Variants in VAV1 observed in about 807,000 individuals in gnomAD.
The protein encoded by VAV1 is proto-oncogene vav.
VAV1 carries 33 observed loss-of-function variants against 128.1 expected under a neutral mutation model. The observed-to-expected ratio is 0.26, with a 90% CI of 0.20 to 0.34. VAV1 has a LOEUF of 0.34. Ranked by LOEUF, VAV1 falls within the 10% of genes least tolerant of loss-of-function variation. The pLI, the probability that VAV1 is intolerant of heterozygous loss-of-function variation, is 1.00. For missense variants in VAV1, 715 were observed against 1,093.7 expected (o/e 0.65, Z 4.88); for synonymous variants, 394 against 409.8 (o/e 0.96, Z 0.47).
Position 6,848,030 on chromosome 19 carries a change from A to G in VAV1, c.2045A>G (p.Glu682Gly), listed in dbSNP as rs1329754782. 1 of 1,535,612 alleles carries G rather than the reference A, an allele frequency of 6.5e-7. No homozygotes were observed. Among genetic ancestry groups the G allele is most frequent in the African/African-American group, 1.4e-5 (1 of 69,176 alleles). ...GGCCCCATGGAGCGGGCAGGGGCAG[A>G]GAGCATCCTGGCCAACCGCTCGGAC... ...YAGPMERAGA[E>G]SILANRSDGT... The change falls in exon 23 of 27, where the codon GAG becomes GGG. Residue 682 changes from glutamate (E) to glycine (G), a missense_variant. This residue lies in a region of VAV1 where 407 missense variants were observed against 580.6 expected (regional missense o/e 0.70). Coordinates refer to ENST00000602142, the MANE Select transcript of VAV1 (RefSeq NM_005428.4).
At chr19:6,773,122 G>T in intron 1 of VAV1, 111 bp downstream of exon 1, 1 of 1,412,006 alleles carries the variant, frequency 7.1e-7, no homozygotes, top group South Asian at 1.2e-5. Context: ...AAAGGAGAGG[G>T]AATATGCTTA....
intron 22 of VAV1, 147 bp from the exon 23 acceptor site, chr19:6,847,851 T>C: frequency 4.9e-6 from 3 of 610,402 alleles, no homozygotes; most frequent in Non-Finnish European, 7.6e-6. Context: ...CCACGGGGCC[T>C]ACCTTGGTGC....
intron 21 of VAV1, among the ~76,000 whole-genome samples, chr19:6,840,102 A>G (rs906728754): frequency 6.6e-6 from 1 of 152,214 alleles, no homozygotes; most frequent in East Asian, 1.9e-4. Flanking sequence ...AGCACTCTGA[A>G]CCCATTAAAC....
At chr19:6,833,091 G>T in intron 15 of VAV1, 93 bp from the exon 16 acceptor site, 1 of 1,103,276 alleles carries the variant, frequency 9.1e-7, no homozygotes, top group South Asian at 1.7e-5. Context: ...CACGCAAAAC[G>T]TGGTCTGTTC....
chr19:6,810,549 C>CA (rs1252867020), intron 1 of VAV1, among the ~76,000 whole-genome samples: 2 of 151,190 alleles, frequency 1.3e-5, no homozygotes, highest in Non-Finnish European at 3.0e-5. Flanking sequence ...ACTAAAAATA[C>CA]AAAAAATTAG....
Position 6,814,717 on chromosome 19 carries a change from TTTC to T in VAV1, c.205-5982_205-5980del, listed in dbSNP as rs1568299426. Among the ~76,000 whole-genome samples the T allele has an allele frequency of 1.0e-4, 14 of 139,858 alleles. No homozygotes were observed. The South Asian group carries it at 3.0e-3, about 30-fold the overall frequency. 91.8% of individuals were successfully genotyped at this position (139,858 alleles called of 152,430 possible). On this transcript the variant is annotated intron_variant, in intron 1 of 26. Coordinates refer to ENST00000602142, the MANE Select transcript of VAV1 (RefSeq NM_005428.4). ...CTTTCTTTCTTTCTTTCTTTCTTTC[TTTC>T]TTTCTTTCTTTCCTTTTTCCCTCTG...
chr19:6,801,285 C>T (rs1401823770), intron 1 of VAV1, among the ~76,000 whole-genome samples: 1 of 152,120 alleles, frequency 6.6e-6, no homozygotes, highest in Non-Finnish European at 1.5e-5. Flanking sequence ...TTTTCATTCC[C>T]GACGTACAGA....
intron 1 of VAV1, among the ~76,000 whole-genome samples, chr19:6,805,482 C>G (rs12983548): frequency 6.6e-6 from 1 of 151,730 alleles, no homozygotes; most frequent in African/African-American, 2.4e-5. Flanking sequence ...TGGCTCACAT[C>G]TGTAATCCCA....
chr19:6,850,589 G>T (rs1028150427), intron 23 of VAV1, 81 bp from the exon 24 acceptor site: 2 of 1,396,670 alleles, frequency 1.4e-6, no homozygotes, highest in Non-Finnish European at 2.0e-6. Flanking sequence ...AAGGGGTCAA[G>T]GTTGCTTCCT....
intron 1 of VAV1, among the ~76,000 whole-genome samples, chr19:6,773,389 G>T (rs933786130): frequency 6.6e-6 from 1 of 152,180 alleles, no homozygotes; most frequent in Non-Finnish European, 1.5e-5. Context: ...CTGAGGCTTT[G>T]GACTCCTTTG....
intron 1 of VAV1, chr19:6,784,112 G>A (rs1282198467): frequency 1.4e-5 from 6 of 429,628 alleles, no homozygotes; most frequent in South Asian, 6.9e-5. Flanking sequence ...AAATAAGCCC[G>A]GCATGGTGGT....
intron 26 of VAV1, 34 bp downstream of exon 26, chr19:6,854,132 A>T: frequency 6.2e-7 from 1 of 1,606,610 alleles, no homozygotes; most frequent in Non-Finnish European, 8.5e-7. Flanking sequence ...CGGGGAGGGC[A>T]TGGGGGTTGA....
intron 1 of VAV1, among the ~76,000 whole-genome samples, chr19:6,816,962 T>G (rs1333565399): frequency 6.6e-6 from 1 of 151,432 alleles, no homozygotes; most frequent in Non-Finnish European, 1.5e-5. Flanking sequence ...AGACTCCATC[T>G]CAAAAGGGTA....
At chr19:6,844,026 C>G (rs1972446963) in intron 22 of VAV1, among the ~76,000 whole-genome samples, 5 of 107,374 alleles carry the variant, frequency 4.7e-5, no homozygotes, top group Non-Finnish European at 6.0e-5. Context: ...GATTCTTACT[C>G]TCTGCCCCCA....
Position 6,772,782 on chromosome 19 carries a change from C to T in VAV1, c.-26C>T, listed in dbSNP as rs751599909. On this transcript the variant is annotated 5_prime_UTR_variant, in exon 1 of 27. In the 5' UTR this introduces an upstream ATG that the reference lacks. Coordinates refer to ENST00000602142, the MANE Select transcript of VAV1 (RefSeq NM_005428.4). This position sits in a 1 kb window ranked among gnomAD's most constrained non-coding sequence, Gnocchi z 4.8. ...GGGTGGTGGAGGCTGCGAGGGTGCA[C>T]GGCCGGCCCTGGGCAGGCGGTAGCC... is the stretch of plus-strand genomic sequence containing the variant. 6.2e-6 allele frequency: 10 copies of T among 1,605,734 alleles called. No homozygotes were observed. Among genetic ancestry groups the T allele is most frequent in the Admixed American group, 1.7e-5 (1 of 59,556 alleles).
intron 1 of VAV1, among the ~76,000 whole-genome samples, chr19:6,804,461 G>T (rs539308981): frequency 8.5e-5 from 13 of 152,124 alleles, no homozygotes; most frequent in African/African-American, 3.1e-4. Context: ...CTGTCGCCCA[G>T]GCTGGAGTGC....
intron 23 of VAV1, 43 bp from the exon 24 acceptor site, chr19:6,850,627 G>T (rs1344589100): frequency 1.9e-6 from 3 of 1,592,074 alleles, no homozygotes; most frequent in Non-Finnish European, 2.6e-6. Flanking sequence ...TGGGGAATGG[G>T]CCTGGTCCCC....
At chr19:6,807,375 G>A (rs1208793102) in intron 1 of VAV1, among the ~76,000 whole-genome samples, 1 of 152,012 alleles carries the variant, frequency 6.6e-6, no homozygotes, top group African/African-American at 2.4e-5. Context: ...GCACAAGGTA[G>A]ATCCCTCACA....
chr19:6,779,998 C>T (rs769323119), intron 1 of VAV1, among the ~76,000 whole-genome samples: 2 of 148,726 alleles, frequency 1.3e-5, no homozygotes, highest in Non-Finnish European at 3.0e-5. Flanking sequence ...GTAGTCCCAG[C>T]TACTCGGGAG....
Sources: gnomAD v4.1 joint callset for allele counts (sites outside exome capture counted in the v4.1 genomes callset) on GRCh38, gnomAD v4.1.1 for gene constraint, gnomAD v4.1.1 regional missense constraint, Gnocchi (gnomAD v3.1) non-coding constraint, MANE v1.5 for transcripts, NCBI Gene and HGNC (gene_info 2026-07-23, HGNC 2026-07-21) for gene names.